ESRRB: variants seen among roughly 807,000 people sequenced by gnomAD.
The protein encoded by ESRRB is steroid hormone receptor ERR2.
In ESRRB, 16 loss-of-function variants were observed where a neutral mutation model predicts 46.0. That is an observed-to-expected ratio of 0.35 (90% CI 0.24 to 0.53). ESRRB has a LOEUF of 0.53. Among genes scored for constraint, ESRRB ranks in the 20% least tolerant of loss-of-function variants. The probability of loss-of-function intolerance (pLI) is 0.93; values close to 1 mark genes in which losing one functional copy is unlikely to be tolerated. For synonymous variants in ESRRB, 246 were observed against 259.6 expected (o/e 0.95, Z 0.50); for missense variants, 488 against 607.4 (o/e 0.80, Z 2.07).
chr14:76,350,390 A>T (rs1595051847), intron 1 of ESRRB, among the ~76,000 whole-genome samples: 1 of 152,228 alleles, frequency 6.6e-6, no homozygotes, highest in African/African-American at 2.4e-5. Context: ...CTAGAGAGAC[A>T]GGACATATGC....
chr14:76,437,831 G>A (rs1887739342), intron 1 of ESRRB, among the ~76,000 whole-genome samples: 1 of 152,188 alleles, frequency 6.6e-6, no homozygotes, highest in Non-Finnish European at 1.5e-5. Flanking sequence ...TTCATCCTGG[G>A]AGCTGGGATA....
intron 1 of ESRRB, among the ~76,000 whole-genome samples, chr14:76,315,405 T>C (rs10454038): frequency 0.76 from 115,561 of 152,024 alleles, 44,180 homozygotes; most frequent in Admixed American, 0.82. Context: ...CTACGGACAG[T>C]AGAGAGCTGC....
intron 1 of ESRRB, among the ~76,000 whole-genome samples, chr14:76,383,538 G>A (rs763160219): frequency 5.3e-5 from 8 of 152,182 alleles, no homozygotes; most frequent in South Asian, 2.1e-4. Flanking sequence ...GATTTCTCTC[G>A]TGTTTTACAA....
At chr14:76,459,837 C>T (rs932210962) in intron 2 of ESRRB, among the ~76,000 whole-genome samples, 2 of 152,136 alleles carry the variant, frequency 1.3e-5, no homozygotes, top group Non-Finnish European at 2.9e-5. Flanking sequence ...ACCTCCAGCT[C>T]CCTCCCTGCA....
At chr14:76,467,865 C>G (rs1889184929) in intron 3 of ESRRB, among the ~76,000 whole-genome samples, 1 of 152,144 alleles carries the variant, frequency 6.6e-6, no homozygotes, top group South Asian at 2.1e-4. Context: ...AACTTCACCT[C>G]CTCCTCACCT....
chr14:76,398,119 C>T lies in ESRRB; in HGVS notation c.50+21668C>T, dbSNP rs957056054. On this transcript the variant is annotated intron_variant, in intron 1 of 6. Transcript: ENST00000644823. ...TTGTTGGAAAATTGGTTCAATAGCC[C>T]TGCTAGCTGGCATGCATTGAAGTAT... Among the ~76,000 whole-genome samples the T allele has an allele frequency of 3.3e-5, 5 of 152,244 alleles. No individual in the cohort carries two copies. In the East Asian group the frequency reaches 9.6e-4, roughly 29 times the overall value.
intron 1 of ESRRB, among the ~76,000 whole-genome samples, chr14:76,424,470 C>T (rs1887113198): frequency 6.6e-6 from 1 of 152,180 alleles, no homozygotes; most frequent in Non-Finnish European, 1.5e-5. Flanking sequence ...TGGCCATGAC[C>T]AGGGAGTGGA....
intron 1 of ESRRB, among the ~76,000 whole-genome samples, chr14:76,335,565 C>G (rs952783388): frequency 6.6e-6 from 1 of 152,186 alleles, no homozygotes; most frequent in African/African-American, 2.4e-5. Flanking sequence ...ACAGAGTGTA[C>G]AGTTAGGTGA....
At chr14:76,465,549 G>A (rs1013299438) in intron 3 of ESRRB, among the ~76,000 whole-genome samples, 3 of 152,096 alleles carry the variant, frequency 2.0e-5, no homozygotes, top group Non-Finnish European at 4.4e-5. Flanking sequence ...TGATGGTATC[G>A]GGGGTGCTGG....
At chr14:76,386,476 C>T (rs1345801287) in intron 1 of ESRRB, among the ~76,000 whole-genome samples, 19 of 76,904 alleles carry the variant, frequency 2.5e-4, no homozygotes, top group Non-Finnish European at 2.6e-4. Flanking sequence ...TTTTTTTTTG[C>T]GACAGAGTCT....
intron 1 of ESRRB, among the ~76,000 whole-genome samples, chr14:76,384,585 G>A (rs1885143915): frequency 6.6e-6 from 1 of 152,138 alleles, no homozygotes; most frequent in Non-Finnish European, 1.5e-5. Context: ...GCCTTTGAAC[G>A]AAGATGGGAG....
At chr14:76,479,920 T>C (rs1889737777) in intron 3 of ESRRB, among the ~76,000 whole-genome samples, 1 of 152,186 alleles carries the variant, frequency 6.6e-6, no homozygotes, top group Non-Finnish European at 1.5e-5. Flanking sequence ...CAGGCTGGAG[T>C]GCAGTGGTGC....
chr14:76,404,770 G>GT (rs1022469727), intron 1 of ESRRB, among the ~76,000 whole-genome samples: 5 of 152,136 alleles, frequency 3.3e-5, no homozygotes, highest in East Asian at 1.9e-4. Flanking sequence ...AAGATTAGCT[G>GT]TTTTTTTGGC....
rs373921133 is a variant in ESRRB at position 76,463,228 on chromosome 14, T to G, written c.577+567T>G. The stretch of plus-strand genomic sequence containing the variant: ...GTCTCTAGAGCTGTGCTGTCTAATA[T>G]GGCAACCACCAGCCACACGTGGCTC... On this transcript the variant is annotated intron_variant, in intron 3 of 6. Coordinates refer to ENST00000644823, the MANE Select transcript of ESRRB (RefSeq NM_001379180.1). 39 of 179,430 alleles carry G rather than the reference T, an allele frequency of 2.2e-4. 1 individual carries two copies. Among genetic ancestry groups the G allele is most frequent in the African/African-American group, 8.0e-4 (34 of 42,256 alleles). The allele number at this position is 179,430 out of a possible 1,614,324, so 11.1% of individuals were successfully genotyped here.
At chr14:76,458,782 C>A (rs527543900) in intron 2 of ESRRB, among the ~76,000 whole-genome samples, 1 of 151,054 alleles carries the variant, frequency 6.6e-6, no homozygotes, top group African/African-American at 2.4e-5. Context: ...CAGGCTGGAG[C>A]TGACGGGCTG....
In ESRRB at chr14:76,439,190, G is replaced by A. The variant is rs575963853; in HGVS notation, c.51-151G>A. The stretch of plus-strand genomic sequence containing the variant: ...CCAGAAACTTGCTCCCGGCTGCGCC[G>A]AGGGGAGACCAGCTGACCTTCTCCA... On this transcript the variant is annotated intron_variant, in intron 1 of 6. Coordinates refer to ENST00000644823, the MANE Select transcript of ESRRB (RefSeq NM_001379180.1). Among the ~76,000 whole-genome samples, 23 of 152,320 alleles carry A rather than the reference G, an allele frequency of 1.5e-4. 1 individual carries two copies. In the South Asian group the frequency reaches 4.8e-3, roughly 32 times the overall value.
At chr14:76,324,731 C>A (rs1389598611) in intron 1 of ESRRB, among the ~76,000 whole-genome samples, 1 of 152,168 alleles carries the variant, frequency 6.6e-6, no homozygotes, top group Non-Finnish European at 1.5e-5. Context: ...GAATCACTCA[C>A]TGCCACATAC....
rs544297700 is a variant in ESRRB, at chr14:76,498,350, G to T, written c.1257G>T (p.Leu419=). The change falls in exon 7 of 7, where the codon CTG becomes CTT. Residue 419 remains leucine (L), a synonymous_variant. Coordinates refer to ENST00000644823, the MANE Select transcript of ESRRB (RefSeq NM_001379180.1). ...GCAAGCTGCTGCTGACACTGCCGCTGCTGCGGCAGACGGCCGCCAAGGCCG... is the reference window on the plus strand; with the variant it reads ...GCAAGCTGCTGCTGACACTGCCGCTTCTGCGGCAGACGGCCGCCAAGGCCG... ...RTGKLLLTLP[L]LRQTAAKAVQ... The T allele has an allele frequency of 1.2e-5, 20 of 1,611,878 alleles. No homozygotes were observed. Among genetic ancestry groups the T allele is most frequent in the Middle Eastern group, 3.3e-4 (2 of 6,080 alleles).
chr14:76,447,139 G>C (rs2139952229), intron 2 of ESRRB, among the ~76,000 whole-genome samples: 1 of 152,118 alleles, frequency 6.6e-6, no homozygotes, highest in African/African-American at 2.4e-5. Flanking sequence ...CCTACCCCAG[G>C]CTCAGCTCTT....
Sources: allele counts gnomAD v4.1 joint callset (sites outside exome capture counted in the v4.1 genomes callset), GRCh38; gene constraint gnomAD v4.1.1; transcripts MANE v1.5; gene names NCBI Gene and HGNC (gene_info 2026-07-23, HGNC 2026-07-21).